The following MGMT variants were observed in gnomAD, a reference collection of about 807,000 sequenced individuals.
The protein encoded by MGMT is O-6-methylguanine-DNA methyltransferase, also known as methylated-DNA--protein-cysteine methyltransferase.
MGMT carries 14 observed loss-of-function variants against 15.9 expected under a neutral mutation model. That is an observed-to-expected ratio of 0.88 (90% CI 0.58 to 1.37). The LOEUF (loss-of-function observed/expected upper bound fraction) is 1.37, where lower values mean the gene tolerates loss of function less well. MGMT is among the 40% of genes most tolerant of loss of function. The probability of loss-of-function intolerance (pLI) is 0.00; values close to 1 mark genes in which losing one functional copy is unlikely to be tolerated. For synonymous variants in MGMT, 130 were observed against 118.2 expected, an observed-to-expected ratio of 1.10 and a Z score of -0.65; for missense variants, 282 against 268.1, an observed-to-expected ratio of 1.05 and a Z score of -0.36.
At chr10:129,611,031 C>T (rs1416078097) in intron 2 of MGMT, among the ~76,000 whole-genome samples, 2 of 152,150 alleles carry the variant, frequency 1.3e-5, no homozygotes, top group African/African-American at 4.8e-5. Flanking sequence ...GGTATTTCAG[C>T]CTTTATGTAT....
At chr10:129,550,905 T>A (rs1285418117) in intron 2 of MGMT, among the ~76,000 whole-genome samples, 1 of 152,166 alleles carries the variant, frequency 6.6e-6, no homozygotes, top group East Asian at 1.9e-4. Flanking sequence ...AGAAGGAGTG[T>A]CCAAAGACCC....
chr10:129,608,830 C>T (rs917396851), intron 2 of MGMT, among the ~76,000 whole-genome samples: 1 of 152,256 alleles, frequency 6.6e-6, no homozygotes, highest in Non-Finnish European at 1.5e-5. Flanking sequence ...AGCTGAGGCC[C>T]CGTCCGCCTT....
chr10:129,754,701 C>G (rs371606452), intron 3 of MGMT, among the ~76,000 whole-genome samples: 1 of 152,224 alleles, frequency 6.6e-6, no homozygotes, highest in Non-Finnish European at 1.5e-5. Context: ...AGGGCCACCC[C>G]GTGGTGGAAG....
At chr10:129,585,500 C>T (rs189322059) in intron 2 of MGMT, among the ~76,000 whole-genome samples, 48 of 152,280 alleles carry the variant, frequency 3.2e-4, no homozygotes, top group African/African-American at 1.0e-3. Context: ...TACTAACATC[C>T]GCAGGTGCTC....
intron 3 of MGMT, among the ~76,000 whole-genome samples, chr10:129,730,011 G>T (rs1848478160): frequency 6.6e-6 from 1 of 152,194 alleles, no homozygotes; most frequent in Admixed American, 6.5e-5. Context: ...AGTTTGGGAA[G>T]CAGCTTATTT....
At chr10:129,711,734 G>A (rs1848235347) in intron 3 of MGMT, among the ~76,000 whole-genome samples, 1 of 152,096 alleles carries the variant, frequency 6.6e-6, no homozygotes, top group African/African-American at 2.4e-5. Context: ...CTAGCATCTT[G>A]TCGTACAACG....
chr10:129,734,477 T>C (rs1848537705), intron 3 of MGMT, among the ~76,000 whole-genome samples: 1 of 151,240 alleles, frequency 6.6e-6, no homozygotes, highest in Non-Finnish European at 1.5e-5. Context: ...CAGTGGGGTC[T>C]TCTGGATATA....
chr10:129,617,799 A>G (rs147762035), intron 2 of MGMT, among the ~76,000 whole-genome samples: 3,916 of 151,604 alleles, frequency 0.026, 81 homozygotes, highest in South Asian at 0.06. Flanking sequence ...TTTGCTTGTT[A>G]ATTTGTTTAA....
At chr10:129,529,985 C>T (rs576521524) in intron 1 of MGMT, among the ~76,000 whole-genome samples, 187 of 152,266 alleles carry the variant, frequency 1.2e-3, no homozygotes, top group African/African-American at 4.2e-3. Context: ...ACTGCAGCCT[C>T]GACCTCCTGG....
chr10:129,471,197 A>G (rs1015020921), intron 1 of MGMT, among the ~76,000 whole-genome samples: 1 of 152,218 alleles, frequency 6.6e-6, no homozygotes, highest in Non-Finnish European at 1.5e-5. Flanking sequence ...ATTTTTCTGC[A>G]AGCACAGCGC....
At chr10:129,561,119 G>T (rs945970184) in intron 2 of MGMT, among the ~76,000 whole-genome samples, 1 of 152,126 alleles carries the variant, frequency 6.6e-6, no homozygotes, top group African/African-American at 2.4e-5. Flanking sequence ...TGCAGTTGGT[G>T]CCTAGTGATT....
chr10:129,737,346 C>T (rs559972376), intron 3 of MGMT, among the ~76,000 whole-genome samples: 2 of 152,124 alleles, frequency 1.3e-5, no homozygotes, highest in African/African-American at 4.8e-5. Flanking sequence ...TTGATTGCAT[C>T]GGCTCCTGAG....
intron 2 of MGMT, among the ~76,000 whole-genome samples, chr10:129,603,488 TCAA>T (rs1846849448): frequency 6.6e-6 from 1 of 152,242 alleles, no homozygotes; most frequent in African/African-American, 2.4e-5. Context: ...TTTCAGTACA[TCAA>T]CAACATTGCT....
chr10:129,703,645 G>A (rs1848124395), intron 2 of MGMT, among the ~76,000 whole-genome samples: 1 of 152,000 alleles, frequency 6.6e-6, no homozygotes, highest in Non-Finnish European at 1.5e-5. Context: ...CACTGAAACG[G>A]CAGCCCCTGT....
rs1225340497 is a variant in MGMT, at chr10:129,533,566, G to A, written c.-12-2675G>A. Among the ~76,000 whole-genome samples the A allele has an allele frequency of 1.3e-5, 2 of 152,206 alleles. No individual in the cohort carries two copies. The highest frequency in any genetic ancestry group is 2.1e-4 in the South Asian group (1 of 4,830). ...CGAGTTTCCAAGAAATGGCGAGAGA[G>A]CATCCAGATTTCTCACGTTGCCTCT... is the stretch of plus-strand genomic sequence containing the variant. On this transcript the variant is annotated intron_variant, in intron 1 of 4. Transcript: ENST00000651593. This position sits in a 1 kb window ranked among gnomAD's most constrained non-coding sequence, Gnocchi z 4.5.
chr10:129,542,394 G>A (rs986913020), intron 2 of MGMT, among the ~76,000 whole-genome samples: 2 of 152,036 alleles, frequency 1.3e-5, no homozygotes, highest in Non-Finnish European at 2.9e-5. Flanking sequence ...TCACGAATTC[G>A]TTTTTTTCTG....
Position 129,706,463 on chromosome 10 carries a change from C to T in MGMT, c.126-1432C>T, listed in dbSNP as rs185105352. 1.5e-4 allele frequency among the ~76,000 whole-genome samples: 23 copies of T among 152,242 alleles called. 1 individual carries two copies. The East Asian group carries it at 2.5e-3, about 17-fold the overall frequency. On this transcript the variant is annotated intron_variant, in intron 2 of 4. Transcript: ENST00000651593. ...GCCCAGGAAGGAAGGGTGAAGGGCCCGCGGGAGCTGTGCGTCCACAGCATC... is the reference window on the plus strand; with the variant it reads ...GCCCAGGAAGGAAGGGTGAAGGGCCTGCGGGAGCTGTGCGTCCACAGCATC...
chr10:129,556,003 G>A lies in MGMT; in HGVS notation c.125+19626G>A, dbSNP rs1370485645. On this transcript the variant is annotated intron_variant, in intron 2 of 4. Transcript: ENST00000651593. This position sits in a 1 kb window ranked among gnomAD's most constrained non-coding sequence, Gnocchi z 4.3. Reference sequence around the variant, plus strand: ...GGGCACCCTCCAGGGAGCTGTCGAGGGGCTCTTCTGCCTCTTCAGAAACCA... The same window carrying A: ...GGGCACCCTCCAGGGAGCTGTCGAGAGGCTCTTCTGCCTCTTCAGAAACCA... 6.6e-6 allele frequency among the ~76,000 whole-genome samples: 1 copy of A among 152,152 alleles called. No individual in the cohort carries two copies. Among genetic ancestry groups the A allele is most frequent in the African/African-American group, 2.4e-5 (1 of 41,432 alleles).
intron 3 of MGMT, among the ~76,000 whole-genome samples, chr10:129,709,310 G>A (rs1486196383): frequency 2.6e-5 from 4 of 152,324 alleles, no homozygotes; most frequent in East Asian, 3.9e-4. Context: ...TCTCCCCAGC[G>A]CCACAAGCCA....
Sources: gnomAD v4.1 joint callset for allele counts (sites outside exome capture counted in the v4.1 genomes callset) on GRCh38, gnomAD v4.1.1 for gene constraint, Gnocchi (gnomAD v3.1) non-coding constraint, MANE v1.5 for transcripts, NCBI Gene and HGNC (gene_info 2026-07-23, HGNC 2026-07-21) for gene names.